LINGO2: variants seen among roughly 807,000 people sequenced by gnomAD.
LINGO2 encodes leucine rich repeat and Ig domain containing 2, also known as leucine-rich repeat and immunoglobulin-like domain-containing nogo receptor-interacting protein 2.
In LINGO2, 14 loss-of-function variants were observed where a neutral mutation model predicts 30.6. The observed-to-expected ratio is 0.46, with a 90% CI of 0.30 to 0.72. The LOEUF (loss-of-function observed/expected upper bound fraction) is 0.72. Ranked by LOEUF, LINGO2 falls within the 30% of genes least tolerant of loss-of-function variation. LINGO2 has a pLI of 0.07. For synonymous variants in LINGO2, 317 were observed against 288.5 expected (o/e 1.10, Z -1.00); for missense variants, 729 against 751.7 (o/e 0.97, Z 0.35).
Position 28,021,917 on chromosome 9 carries a change from T to C in LINGO2, c.-86-9512A>G, listed in dbSNP as rs146747906. 3.4e-4 allele frequency among the ~76,000 whole-genome samples: 51 copies of C among 152,206 alleles called. No individual in the cohort carries two copies. In the South Asian group the frequency reaches 7.5e-3, roughly 22 times the overall value. ...GGAGTTGTGTTTTGTTTTTGTATTT[T>C]TAATTCACTTTAAAATGTTCCATAA... is the stretch of plus-strand genomic sequence containing the variant. On this transcript the variant is annotated intron_variant, in intron 4 of 5. Coordinates refer to ENST00000379992, the Ensembl canonical transcript of LINGO2.
At chr9:28,030,570 G>A (rs551289767) in intron 4 of LINGO2, among the ~76,000 whole-genome samples, 1 of 152,202 alleles carries the variant, frequency 6.6e-6, no homozygotes, top group Non-Finnish European at 1.5e-5. Context: ...AATAAGTGTT[G>A]GCTACTCAAT....
At chr9:28,398,293 C>G (rs1822133865) in intron 2 of LINGO2, among the ~76,000 whole-genome samples, 1 of 152,136 alleles carries the variant, frequency 6.6e-6, no homozygotes, top group African/African-American at 2.4e-5. Flanking sequence ...TTGGTTTTAT[C>G]AGTTGCAAAG....
At chr9:28,373,900 C>CAA (rs5897288) in intron 2 of LINGO2, among the ~76,000 whole-genome samples, 55 of 93,032 alleles carry the variant, frequency 5.9e-4, no homozygotes, top group Middle Eastern at 5.5e-3. Flanking sequence ...AACTCCATCT[C>CAA]AAAAAAAAAA....
chr9:28,290,626 G>A (rs1181518518), intron 4 of LINGO2, among the ~76,000 whole-genome samples: 2 of 152,174 alleles, frequency 1.3e-5, no homozygotes, highest in African/African-American at 2.4e-5. Context: ...TATATAGCAG[G>A]GAAGGAATGT....
At chr9:28,190,201 CATAAATGGGCTTTAAGGGTTG>C (rs1819770986) in intron 4 of LINGO2, among the ~76,000 whole-genome samples, 3 of 152,064 alleles carry the variant, frequency 2.0e-5, no homozygotes, top group Admixed American at 2.0e-4. Context: ...CTGTTTTGTC[CATAAATGGGCTTTAAGGGTTG>C]ATAAACTTCC....
At chr9:28,699,754 G>T in the LINGO2 span, among the ~76,000 whole-genome samples, 1,265 of 151,978 alleles carry the variant, frequency 8.3e-3, 25 homozygotes, top group African/African-American at 0.029. Context: ...TTGTATTCCT[G>T]GGGGGAGGTC....
chr9:27,955,690 A>G (rs1032093154), intron 5 of LINGO2, among the ~76,000 whole-genome samples: 5 of 148,622 alleles, frequency 3.4e-5, no homozygotes, highest in African/African-American at 1.2e-4. Context: ...CTATTCAACT[A>G]TTTTTGGAAG....
intron 5 of LINGO2, among the ~76,000 whole-genome samples, chr9:27,953,391 A>G (rs1587522785): frequency 6.6e-6 from 1 of 152,196 alleles, no homozygotes; most frequent in Non-Finnish European, 1.5e-5. Flanking sequence ...ATTTAGTTAT[A>G]TAAGTTATAA....
chr9:28,715,522 A>C, the LINGO2 span, among the ~76,000 whole-genome samples: 40 of 152,242 alleles, frequency 2.6e-4, no homozygotes, highest in African/African-American at 9.4e-4. Context: ...GGAAGGGTCC[A>C]GTGGAAGGAT....
the LINGO2 span, among the ~76,000 whole-genome samples, chr9:28,819,853 T>G: frequency 6.6e-6 from 1 of 152,138 alleles, no homozygotes; most frequent in East Asian, 1.9e-4. Context: ...ATCCCATTTA[T>G]TGTCTCTTCT....
the LINGO2 span, among the ~76,000 whole-genome samples, chr9:29,034,419 A>G: frequency 2.2e-4 from 33 of 152,232 alleles, no homozygotes; most frequent in Non-Finnish European, 4.1e-4. Context: ...ACACTAACAT[A>G]TTGCGTGACC....
intron 3 of LINGO2, among the ~76,000 whole-genome samples, chr9:28,371,647 G>A (rs1233166897): frequency 1.3e-5 from 2 of 152,146 alleles, no homozygotes; most frequent in Non-Finnish European, 2.9e-5. Flanking sequence ...GCAGGGCTAC[G>A]CTGTACCTTT....
At chr9:28,557,446 G>T in intron 1 of LINGO2, among the ~76,000 whole-genome samples, 1 of 151,978 alleles carries the variant, frequency 6.6e-6, no homozygotes, top group Admixed American at 6.6e-5. Flanking sequence ...ACCACAATGA[G>T]ATACCATCTC....
At chr9:28,875,462 T>C in the LINGO2 span, among the ~76,000 whole-genome samples, 1 of 152,136 alleles carries the variant, frequency 6.6e-6, no homozygotes, top group African/African-American at 2.4e-5. Flanking sequence ...ACAATACTAT[T>C]ATCTCAAGAA....
chr9:28,156,497 T>A (rs1564007223), intron 4 of LINGO2, among the ~76,000 whole-genome samples: 4 of 152,176 alleles, frequency 2.6e-5, no homozygotes, highest in African/African-American at 9.7e-5. Flanking sequence ...GCAAATGAAG[T>A]ACAGAGAGGT....
At chr9:28,208,537 C>T (rs1820487679) in intron 4 of LINGO2, among the ~76,000 whole-genome samples, 1 of 151,988 alleles carries the variant, frequency 6.6e-6, no homozygotes, top group South Asian at 2.1e-4. Context: ...GAGATAGACT[C>T]ATAGTTAATT....
At chr9:28,436,808 T>G (rs1823961494) in intron 2 of LINGO2, among the ~76,000 whole-genome samples, 1 of 152,042 alleles carries the variant, frequency 6.6e-6, no homozygotes, top group African/African-American at 2.4e-5. Flanking sequence ...GAAGAAGAGA[T>G]AAGGCAGTAC....
intron 4 of LINGO2, among the ~76,000 whole-genome samples, chr9:28,063,115 G>A (rs936807227): frequency 1.4e-4 from 21 of 152,210 alleles, no homozygotes; most frequent in African/African-American, 5.1e-4. Context: ...AAGACCTCAC[G>A]AGCAGGCTAG....
At chr9:28,509,668 G>T (rs6476078) in intron 1 of LINGO2, among the ~76,000 whole-genome samples, 137,953 of 152,098 alleles carry the variant, frequency 0.91, 62,635 homozygotes, top group Admixed American at 0.94. Flanking sequence ...TAGTACTTAC[G>T]TCCTCATAAG....
Sources: allele counts gnomAD v4.1 joint callset (sites outside exome capture counted in the v4.1 genomes callset), GRCh38; gene constraint gnomAD v4.1.1; transcripts MANE v1.5; gene names NCBI Gene and HGNC (gene_info 2026-07-23, HGNC 2026-07-21).